The following KCNH8 variants were observed in gnomAD, a reference collection of about 807,000 sequenced individuals.
KCNH8 encodes potassium voltage-gated channel subfamily H member 8, also known as voltage-gated delayed rectifier potassium channel KCNH8.
KCNH8 carries 70 observed loss-of-function variants against 103.6 expected under a neutral mutation model. The ratio of observed to expected loss-of-function variants is 0.68; its 90% CI spans 0.56 to 0.82. The LOEUF (loss-of-function observed/expected upper bound fraction) is 0.82. Among genes scored for constraint, KCNH8 ranks in the 40% least tolerant of loss-of-function variants. KCNH8 has a pLI of 0.00. For synonymous variants in KCNH8, 498 were observed against 489.4 expected (o/e 1.02, Z -0.23); for missense variants, 1,217 against 1,329.9 (o/e 0.92, Z 1.32).
At chr3:19,243,534 A>T (rs182604234) in intron 1 of KCNH8, among the ~76,000 whole-genome samples, 1 of 152,310 alleles carries the variant, frequency 6.6e-6, no homozygotes, top group Admixed American at 6.5e-5. Context: ...AGTTCAGGAG[A>T]CAGATGAGGT....
intron 1 of KCNH8, among the ~76,000 whole-genome samples, chr3:19,165,965 A>T (rs990930938): frequency 1.3e-5 from 2 of 152,168 alleles, no homozygotes; most frequent in African/African-American, 4.8e-5. Context: ...CAATAACACA[A>T]ATGATTTTCA....
chr3:19,303,039 A>C (rs964103558), intron 3 of KCNH8, among the ~76,000 whole-genome samples: 12 of 152,270 alleles, frequency 7.9e-5, no homozygotes, highest in African/African-American at 2.9e-4. Flanking sequence ...ACCGAACCTC[A>C]ATCTGTTAGC....
At chr3:19,200,485 A>G (rs2063646674) in intron 1 of KCNH8, among the ~76,000 whole-genome samples, 1 of 151,914 alleles carries the variant, frequency 6.6e-6, no homozygotes, top group Admixed American at 6.6e-5. Flanking sequence ...TGAAGCTCTT[A>G]CTACATAGAC....
chr3:19,299,686 A>C (rs1301183964), intron 3 of KCNH8, among the ~76,000 whole-genome samples: 2 of 152,106 alleles, frequency 1.3e-5, no homozygotes, highest in Non-Finnish European at 2.9e-5. Flanking sequence ...AAAAGTTTTA[A>C]TGTGACTATG....
chr3:19,445,598 A>G (rs772864473), intron 8 of KCNH8, among the ~76,000 whole-genome samples: 6 of 151,890 alleles, frequency 4.0e-5, no homozygotes, highest in Non-Finnish European at 7.4e-5. Flanking sequence ...TTCATATCAG[A>G]TTGTTTTTAG....
At chr3:19,161,120 A>G (rs1173372962) in intron 1 of KCNH8, among the ~76,000 whole-genome samples, 1 of 152,194 alleles carries the variant, frequency 6.6e-6, no homozygotes, top group East Asian at 1.9e-4. Context: ...TCACACTTCA[A>G]ACTGCAAAAG....
chr3:19,349,123 C>T (rs1288956808), intron 5 of KCNH8, among the ~76,000 whole-genome samples: 2 of 151,814 alleles, frequency 1.3e-5, no homozygotes, highest in African/African-American at 4.8e-5. Context: ...GTGTTTAGGC[C>T]ACTAGATGGC....
rs558554159 is a variant in KCNH8, at chr3:19,312,354, A to G, written c.443-30233A>G. ...TGATCAGTTTGCTATAAAACTTTCCATGCTGTGAAATAGTATACTATAGTG... is the reference window on the plus strand; with the variant it reads ...TGATCAGTTTGCTATAAAACTTTCCGTGCTGTGAAATAGTATACTATAGTG... On this transcript the variant is annotated intron_variant, in intron 3 of 15. Transcript: ENST00000328405. Among the ~76,000 whole-genome samples, 14 of 152,046 alleles carry G rather than the reference A, an allele frequency of 9.2e-5. No homozygotes were observed. The East Asian group carries it at 9.7e-4, about 11-fold the overall frequency.
At chr3:19,242,326 T>G (rs757717256) in intron 1 of KCNH8, among the ~76,000 whole-genome samples, 5 of 151,852 alleles carry the variant, frequency 3.3e-5, no homozygotes, top group African/African-American at 4.8e-5. Context: ...AATGAAAGAG[T>G]GAGATCCCCA....
rs564126399 is a variant in KCNH8 at position 19,253,746 on chromosome 3, C to T, written c.169C>T (p.Arg57Ter). The change falls in exon 2 of 16, where the codon CGA becomes TGA. Residue 57 changes from arginine to a stop codon, truncating the protein, a stop_gained. Transcript: ENST00000328405. LOFTEE classifies it high-confidence loss of function. ...CTTCTGCGAGCTTGCTGGATTTGCC[C>T]GAACTGAAGTCATGCAGAAGAGTTG... ...DGFCELAGFA[R>*]TEVMQKSCSC... 12 of 1,613,662 alleles carry T rather than the reference C, an allele frequency of 7.4e-6. No homozygotes were observed. The highest frequency in any genetic ancestry group is 3.3e-5 in the South Asian group (3 of 91,064).
chr3:19,395,416 A>G, intron 7 of KCNH8, 105 bp downstream of exon 7: 1 of 682,110 alleles, frequency 1.5e-6, no homozygotes, highest in Non-Finnish European at 2.4e-6. Context: ...ATTTATTCTT[A>G]CTATCAATTT....
rs183128339 is a variant in KCNH8 at position 19,218,633 on chromosome 3, T to C, written c.77-35021T>C. Among the ~76,000 whole-genome samples the C allele has an allele frequency of 4.3e-3, 661 of 152,358 alleles. 2 individuals carry two copies. The highest frequency in any genetic ancestry group is 0.015 in the African/African-American group (622 of 41,576). On this transcript the variant is annotated intron_variant, in intron 1 of 15. Coordinates refer to ENST00000328405, the MANE Select transcript of KCNH8 (RefSeq NM_144633.3). Reference sequence around the variant, plus strand: ...GATTGCCTATTGCATTACTTTGCTATGGCTGCTGGAACAATGTACCACAAA... The same window carrying C: ...GATTGCCTATTGCATTACTTTGCTACGGCTGCTGGAACAATGTACCACAAA...
intron 2 of KCNH8, among the ~76,000 whole-genome samples, chr3:19,278,878 C>T (rs1377956690): frequency 6.6e-6 from 1 of 152,134 alleles, no homozygotes; most frequent in Non-Finnish European, 1.5e-5. Context: ...ACAGCTGTTT[C>T]CTTGGTTTTC....
intron 5 of KCNH8, among the ~76,000 whole-genome samples, chr3:19,386,013 G>A (rs577312393): frequency 1.3e-4 from 20 of 152,120 alleles, no homozygotes; most frequent in Admixed American, 1.1e-3. Context: ...CATTTGTCAT[G>A]GATGCTAATA....
At chr3:19,374,565 C>G (rs2066160165) in intron 5 of KCNH8, among the ~76,000 whole-genome samples, 1 of 152,124 alleles carries the variant, frequency 6.6e-6, no homozygotes, top group East Asian at 1.9e-4. Flanking sequence ...TCCAGTTTGC[C>G]AGTCTGTGTC....
chr3:19,419,466 C>G (rs2066919051), intron 7 of KCNH8, among the ~76,000 whole-genome samples: 1 of 151,998 alleles, frequency 6.6e-6, no homozygotes, highest in Non-Finnish European at 1.5e-5. Flanking sequence ...TCCCAAAGTG[C>G]TGGGATTACA....
chr3:19,265,618 TG>T (rs1407594174), intron 2 of KCNH8, among the ~76,000 whole-genome samples: 2 of 152,022 alleles, frequency 1.3e-5, no homozygotes, highest in Non-Finnish European at 2.9e-5. Flanking sequence ...GCCTGTGGGC[TG>T]GTTTCTAGTT....
chr3:19,288,727 A>G (rs373424622), intron 3 of KCNH8, among the ~76,000 whole-genome samples: 1 of 152,128 alleles, frequency 6.6e-6, no homozygotes, highest in Non-Finnish European at 1.5e-5. Context: ...ATGATTTATA[A>G]TCCTTTGGTT....
At chr3:19,352,601 A>G (rs969738103) in intron 5 of KCNH8, among the ~76,000 whole-genome samples, 5 of 152,200 alleles carry the variant, frequency 3.3e-5, no homozygotes, top group South Asian at 2.1e-4. Flanking sequence ...ACTCGACTAC[A>G]TGGAAACTGA....
Sources: gnomAD v4.1 joint callset for allele counts (sites outside exome capture counted in the v4.1 genomes callset) on GRCh38, gnomAD v4.1.1 for gene constraint, MANE v1.5 for transcripts, NCBI Gene and HGNC (gene_info 2026-07-23, HGNC 2026-07-21) for gene names.